CFTR: variants seen among roughly 807,000 people sequenced by gnomAD.
CFTR encodes cystic fibrosis transmembrane conductance regulator.
CFTR carries 181 observed loss-of-function variants against 171.6 expected under a neutral mutation model. That is an observed-to-expected ratio of 1.05 (90% CI 0.93 to 1.19). The LOEUF is 1.19. CFTR is among the 50% of genes most tolerant of loss of function. The probability of loss-of-function intolerance (pLI) is 0.00; values close to 1 mark genes in which losing one functional copy is unlikely to be tolerated. For missense variants in CFTR, 1,968 were observed against 1,734.7 expected (o/e 1.13, Z -2.39); for synonymous variants, 583 against 608.0 (o/e 0.96, Z 0.60).
chr7:117,661,729 C>A (rs1285988449), intron 24 of CFTR, among the ~76,000 whole-genome samples: 1 of 152,156 alleles, frequency 6.6e-6, no homozygotes, highest in Non-Finnish European at 1.5e-5. Flanking sequence ...AATTACTGTA[C>A]ATTAGGTACT....
chr7:117,567,443 A>G (rs1791620470), intron 11 of CFTR, among the ~76,000 whole-genome samples: 1 of 152,236 alleles, frequency 6.6e-6, no homozygotes, highest in South Asian at 2.1e-4. Flanking sequence ...TCTCTAGACA[A>G]AACAGCTCTT....
At chr7:117,522,146 TGAG>T (rs1798694509) in intron 3 of CFTR, among the ~76,000 whole-genome samples, 1 of 152,202 alleles carries the variant, frequency 6.6e-6, no homozygotes, top group Non-Finnish European at 1.5e-5. Context: ...TTTTCTAATC[TGAG>T]CCCCTCTACC....
At chr7:117,561,493 T>G (rs1799463505) in intron 11 of CFTR, among the ~76,000 whole-genome samples, 1 of 152,116 alleles carries the variant, frequency 6.6e-6, no homozygotes, top group African/African-American at 2.4e-5. Context: ...CCATTCCAGC[T>G]TTAAACAATC....
intron 19 of CFTR, 23 bp downstream of exon 19, chr7:117,610,692 C>G: frequency 6.2e-7 from 1 of 1,612,038 alleles, no homozygotes; most frequent in South Asian, 1.1e-5. Flanking sequence ...ATGTGCGATA[C>G]TCATCTTGTA....
At position 117,487,468 on chromosome 7, in the gene CFTR, T is replaced by C. The variant is rs147029652; in HGVS notation, c.53+7321T>C. On this transcript the variant is annotated intron_variant, in intron 1 of 26. Coordinates refer to ENST00000003084, the MANE Select transcript of CFTR (RefSeq NM_000492.4). ...TTTTCACATCACGGGACACAACATA[T>C]GAGAGATCATAGAAATTCAATGTGG... 1.2e-3 allele frequency among the ~76,000 whole-genome samples: 190 copies of C among 152,222 alleles called. 1 individual carries two copies. The highest frequency in any genetic ancestry group is 4.5e-3 in the African/African-American group (189 of 41,542).
rs397508734 is a variant in CFTR, at chr7:117,534,275, G to A, written c.490-1G>A. ...TATCTAACTTTCCATTTTTCTTTTAGACTTTAAAGCTGTCAAGCCGTGTTC... is the reference window on the plus strand; with the variant it reads ...TATCTAACTTTCCATTTTTCTTTTAAACTTTAAAGCTGTCAAGCCGTGTTC... On this transcript the variant is annotated splice_acceptor_variant, in intron 4 of 26. Coordinates refer to ENST00000003084, the MANE Select transcript of CFTR (RefSeq NM_000492.4). LOFTEE classifies it high-confidence loss of function. 4 of 1,509,222 alleles carry A rather than the reference G, an allele frequency of 2.7e-6. No homozygotes were observed. The Admixed American group carries it at 6.7e-5, about 25-fold the overall frequency. The allele number at this position is 1,509,222 out of a possible 1,614,324, so 93.5% of individuals were successfully genotyped here. A position where few individuals can be genotyped will look rare whatever the true frequency, so the allele number is the denominator to read the frequency against.
chr7:117,500,605 T>G (rs1475409245), intron 1 of CFTR, among the ~76,000 whole-genome samples: 1 of 152,008 alleles, frequency 6.6e-6, no homozygotes, highest in Non-Finnish European at 1.5e-5. Flanking sequence ...GGACATATTT[T>G]TCATTCAATT....
At chr7:117,665,271 A>G (rs1344453905) in intron 25 of CFTR, among the ~76,000 whole-genome samples, 188 bp from the exon 26 acceptor site, 2 of 152,230 alleles carry the variant, frequency 1.3e-5, no homozygotes, top group African/African-American at 2.4e-5. Flanking sequence ...CTGTTTATTT[A>G]TGGATACTTA....
chr7:117,590,861 T>C (rs1418682224), intron 13 of CFTR, among the ~76,000 whole-genome samples: 1 of 152,082 alleles, frequency 6.6e-6, no homozygotes, highest in Admixed American at 6.6e-5. Context: ...TGGTTTAATA[T>C]GCTTAGACTA....
chr7:117,562,312 A>G (rs1194998392), intron 11 of CFTR, among the ~76,000 whole-genome samples: 1 of 152,196 alleles, frequency 6.6e-6, no homozygotes, highest in Non-Finnish European at 1.5e-5. Flanking sequence ...TGGTGTAATT[A>G]AGGAGAAGGA....
chr7:117,627,809 C>T, intron 22 of CFTR, 39 bp downstream of exon 22: 1 of 1,599,866 alleles, frequency 6.3e-7, no homozygotes. Context: ...AGACTGTGTT[C>T]AGTAAGTGAA....
intron 24 of CFTR, among the ~76,000 whole-genome samples, chr7:117,661,371 T>G (rs972132872): frequency 7.2e-5 from 11 of 152,224 alleles, no homozygotes; most frequent in African/African-American, 2.4e-4. Flanking sequence ...TAAATTTATG[T>G]AATTGTTTAC....
chr7:117,614,019 T>TTTTTTTC, intron 20 of CFTR, among the ~76,000 whole-genome samples: 1 of 148,660 alleles, frequency 6.7e-6, no homozygotes, highest in African/African-American at 2.5e-5. Context: ...TTTTTTTTTT[T>TTTTTTTC]TTTTTGCATA....
chr7:117,524,140 G>T (rs1166934277), intron 3 of CFTR, among the ~76,000 whole-genome samples: 2 of 152,246 alleles, frequency 1.3e-5, no homozygotes, highest in Middle Eastern at 3.4e-3. Flanking sequence ...TGAAAGGGGA[G>T]AAATGTGATT....
At chr7:117,492,731 G>A (rs916364868) in intron 1 of CFTR, among the ~76,000 whole-genome samples, 2 of 151,966 alleles carry the variant, frequency 1.3e-5, no homozygotes, top group African/African-American at 4.8e-5. Flanking sequence ...TGGGGCGTTG[G>A]CAGACAAGTA....
At chr7:117,643,000 T>C (rs1324383804) in intron 23 of CFTR, among the ~76,000 whole-genome samples, 4 of 152,082 alleles carry the variant, frequency 2.6e-5, no homozygotes, top group Non-Finnish European at 4.4e-5. Flanking sequence ...GAATTGAAAA[T>C]AGAAAGTGTA....
chr7:117,564,859 G>T (rs930545197), intron 11 of CFTR: 1 of 156,452 alleles, frequency 6.4e-6, no homozygotes, highest in African/African-American at 2.4e-5. Flanking sequence ...ATTTCAGTTT[G>T]TTTTTGCAAA....
chr7:117,490,312 TACACACACAC>T (rs3034759), intron 1 of CFTR, among the ~76,000 whole-genome samples: 2,952 of 136,858 alleles, frequency 0.022, 106 homozygotes, highest in African/African-American at 0.072. Flanking sequence ...GAACCAATGA[TACACACACAC>T]ACACACACAC....
Position 117,587,849 on chromosome 7 carries a change from T to C in CFTR, c.1679+16T>C, listed in dbSNP as rs397508262. On this transcript the variant is annotated intron_variant, in intron 12 of 26. Coordinates refer to ENST00000003084, the MANE Select transcript of CFTR (RefSeq NM_000492.4). ...CTTTAGCAAGGTGAATAACTAATTA[T>C]TGGTCTAGCAAGCATTTGCTGTAAA... is the stretch of plus-strand genomic sequence containing the variant. The C allele has an allele frequency of 1.7e-5, 24 of 1,448,450 alleles. No individual in the cohort carries two copies. The African/African-American group carries it at 3.2e-4, about 19-fold the overall frequency. 89.7% of individuals were successfully genotyped at this position (1,448,450 alleles called of 1,614,324 possible).
Sources: allele counts gnomAD v4.1 joint callset (sites outside exome capture counted in the v4.1 genomes callset), GRCh38; gene constraint gnomAD v4.1.1; transcripts MANE v1.5; gene names NCBI Gene and HGNC (gene_info 2026-07-23, HGNC 2026-07-21).